The following SPTLC3 variants were observed in gnomAD, a reference collection of about 807,000 sequenced individuals.
SPTLC3 encodes the protein serine palmitoyltransferase 3.
In SPTLC3, 36 loss-of-function variants were observed where a neutral mutation model predicts 59.3. That is an observed-to-expected ratio of 0.61 (90% CI 0.47 to 0.80). The LOEUF (loss-of-function observed/expected upper bound fraction) is 0.80, where lower values mean the gene tolerates loss of function less well. Among genes scored for constraint, SPTLC3 ranks in the 30% least tolerant of loss-of-function variants. The probability of loss-of-function intolerance (pLI) is 0.00; values close to 1 mark genes in which losing one functional copy is unlikely to be tolerated. For synonymous variants in SPTLC3, 257 were observed against 240.8 expected, an observed-to-expected ratio of 1.07 and a Z score of -0.62; for missense variants, 625 against 685.1, an observed-to-expected ratio of 0.91 and a Z score of 0.98.
chr20:13,123,653 C>T (rs1358887890), intron 8 of SPTLC3, among the ~76,000 whole-genome samples: 1 of 152,170 alleles, frequency 6.6e-6, no homozygotes, highest in African/African-American at 2.4e-5. Flanking sequence ...CTGGCTTCTC[C>T]CTCTCTTCCC....
At chr20:13,085,843 C>G (rs181113291) in intron 4 of SPTLC3, among the ~76,000 whole-genome samples, 1 of 152,072 alleles carries the variant, frequency 6.6e-6, no homozygotes, top group Non-Finnish European at 1.5e-5. Flanking sequence ...CATGAAAATA[C>G]CACTTAGAGA....
intron 2 of SPTLC3, among the ~76,000 whole-genome samples, chr20:13,058,293 AG>A (rs1369984763): frequency 6.6e-6 from 1 of 152,234 alleles, no homozygotes; most frequent in Non-Finnish European, 1.5e-5. Flanking sequence ...AGGTCCATTA[AG>A]GTGACTGGGT....
intron 1 of SPTLC3, among the ~76,000 whole-genome samples, chr20:13,034,660 C>T (rs1252550201): frequency 6.6e-6 from 1 of 151,924 alleles, no homozygotes; most frequent in Non-Finnish European, 1.5e-5. Flanking sequence ...AGTACAGAGA[C>T]CTTCAGTAAA....
At chr20:13,060,640 T>C (rs1172264957) in intron 2 of SPTLC3, among the ~76,000 whole-genome samples, 4 of 143,508 alleles carry the variant, frequency 2.8e-5, no homozygotes, top group Non-Finnish European at 6.1e-5. Flanking sequence ...TGTCTCTTAT[T>C]TTACTCTCTA....
chr20:13,107,365 C>T lies in SPTLC3; in HGVS notation c.827-2747C>T, dbSNP rs138146135. Among the ~76,000 whole-genome samples, 399 of 152,044 alleles carry T rather than the reference C, an allele frequency of 2.6e-3. 8 individuals are homozygous for T. The highest frequency in any genetic ancestry group is 0.021 in the Admixed American group (322 of 15,270). On this transcript the variant is annotated intron_variant, in intron 6 of 11. Coordinates refer to ENST00000399002, the MANE Select transcript of SPTLC3 (RefSeq NM_018327.4). ...GAGGAAATAGTGCTCACAAAGAATA[C>T]TAGAAATAGTGGGAAAAGGAATAAG...
intron 4 of SPTLC3, among the ~76,000 whole-genome samples, chr20:13,075,650 C>A (rs181538557): frequency 6.6e-6 from 1 of 152,214 alleles, no homozygotes; most frequent in Admixed American, 6.5e-5. Context: ...AGGCTTTACT[C>A]CACTTAGAAG....
At chr20:13,073,809 G>T in intron 3 of SPTLC3, 1 of 599,518 alleles carries the variant, frequency 1.7e-6, no homozygotes, top group Non-Finnish European at 3.3e-6. Flanking sequence ...TGTGATTAAA[G>T]TTGGCCCCAA....
intron 4 of SPTLC3, among the ~76,000 whole-genome samples, chr20:13,081,001 G>T (rs1451378741): frequency 6.6e-6 from 1 of 152,092 alleles, no homozygotes; most frequent in African/African-American, 2.4e-5. Context: ...AAGAACAAAA[G>T]CTCTGGGATT....
chr20:13,025,059 C>G (rs1774402371), intron 1 of SPTLC3, among the ~76,000 whole-genome samples: 1 of 152,188 alleles, frequency 6.6e-6, no homozygotes, highest in Non-Finnish European at 1.5e-5. Flanking sequence ...CAAAGGCACT[C>G]CTTTCCTATG....
Position 13,091,105 on chromosome 20 carries a change from G to C in SPTLC3, c.630G>C (p.Glu210Asp). 1.2e-6 allele frequency: 2 copies of C among 1,614,042 alleles called. No homozygotes were observed. Among genetic ancestry groups the C allele is most frequent in the Non-Finnish European group, 1.7e-6 (2 of 1,179,896 alleles). Residue 210 changes from glutamate to aspartate, a missense_variant, in exon 5 of 12, where the codon GAG becomes GAC. Physicochemically the swap from Glu to Asp is conservative, Grantham distance 45. Transcript: ENST00000399002. The part of the protein sequence containing the change: ...HEMGTLDKHK[E>D]LEDLVAKFLN... Reference sequence around the variant, plus strand: ...CAGGCACCTTGGATAAGCACAAGGAGTTGGAGGACCTTGTGGCTAAGTTCC... The same window carrying C: ...CAGGCACCTTGGATAAGCACAAGGACTTGGAGGACCTTGTGGCTAAGTTCC...
intron 1 of SPTLC3, among the ~76,000 whole-genome samples, chr20:13,048,567 G>A (rs1987331207): frequency 6.6e-6 from 1 of 152,174 alleles, no homozygotes; most frequent in African/African-American, 2.4e-5. Context: ...CACATAACAG[G>A]AGTGTAGAGT....
chr20:13,159,923 C>A, intron 10 of SPTLC3, 80 bp from the exon 11 acceptor site: 1 of 1,431,346 alleles, frequency 7.0e-7, no homozygotes, highest in East Asian at 2.4e-5. Flanking sequence ...ATCAATTAGC[C>A]ATATTCCTTT....
intron 6 of SPTLC3, among the ~76,000 whole-genome samples, chr20:13,101,844 T>C (rs1480636801): frequency 3.9e-5 from 6 of 152,164 alleles, no homozygotes; most frequent in Non-Finnish European, 7.3e-5. Flanking sequence ...CTACTGCTGC[T>C]GCTGCTGTCA....
intron 6 of SPTLC3, among the ~76,000 whole-genome samples, chr20:13,096,797 A>T (rs2122642915): frequency 6.6e-6 from 1 of 152,232 alleles, no homozygotes; most frequent in Admixed American, 6.5e-5. Flanking sequence ...TATTATAATC[A>T]TACAACATAT....
chr20:13,133,878 C>T lies in SPTLC3; in HGVS notation c.1279+7161C>T, dbSNP rs138997889. 3.9e-3 allele frequency among the ~76,000 whole-genome samples: 596 copies of T among 152,306 alleles called. 6 individuals carry two copies. Among genetic ancestry groups the T allele is most frequent in the African/African-American group, 0.013 (555 of 41,562 alleles). ...CACTTAACATCCTTTCCCTAACAAC[C>T]CCCACCTGGCAACCTTTATTCAACC... On this transcript the variant is annotated intron_variant, in intron 9 of 11. Transcript: ENST00000399002.
Position 13,058,823 on chromosome 20 carries a change from G to A in SPTLC3, c.303+9693G>A, listed in dbSNP as rs189465576. On this transcript the variant is annotated intron_variant, in intron 2 of 11. Coordinates refer to ENST00000399002, the MANE Select transcript of SPTLC3 (RefSeq NM_018327.4). Reference sequence around the variant, plus strand: ...TCTAAGACCACATGTTGATCCTTCCGTAACCGAGCCCAGATTCATTCTGCT... The same window carrying A: ...TCTAAGACCACATGTTGATCCTTCCATAACCGAGCCCAGATTCATTCTGCT... Among the ~76,000 whole-genome samples, 68 of 152,270 alleles carry A rather than the reference G, an allele frequency of 4.5e-4. 2 individuals are homozygous for A. Among genetic ancestry groups the A allele is most frequent in the South Asian group, 3.5e-3 (17 of 4,828 alleles).
At chr20:13,054,356 A>G (rs1009766930) in intron 2 of SPTLC3, among the ~76,000 whole-genome samples, 1 of 152,220 alleles carries the variant, frequency 6.6e-6, no homozygotes, top group Admixed American at 6.5e-5. Flanking sequence ...ATTTGTAGAC[A>G]GAAAGATAAT....
intron 4 of SPTLC3, among the ~76,000 whole-genome samples, chr20:13,083,837 A>G (rs1486475738): frequency 6.6e-6 from 1 of 152,146 alleles, no homozygotes; most frequent in Non-Finnish European, 1.5e-5. Context: ...CCTTGGTCCC[A>G]CAACCACACT....
chr20:13,017,926 G>GC (rs1210996940), intron 1 of SPTLC3, among the ~76,000 whole-genome samples: 2 of 152,138 alleles, frequency 1.3e-5, no homozygotes, highest in Non-Finnish European at 2.9e-5. Context: ...CTTGTAGAGT[G>GC]CCCATTCTTG....
Sources: gnomAD v4.1 joint callset for allele counts (sites outside exome capture counted in the v4.1 genomes callset) on GRCh38, gnomAD v4.1.1 for gene constraint, MANE v1.5 for transcripts, NCBI Gene and HGNC (gene_info 2026-07-23, HGNC 2026-07-21) for gene names.